PLXNA4: variants seen among roughly 807,000 people sequenced by gnomAD.
PLXNA4 encodes plexin-A4.
Under a neutral mutation model 191.8 loss-of-function variants are expected in PLXNA4, and 44 were observed. The observed-to-expected ratio is 0.23, with a 90% CI of 0.18 to 0.29. PLXNA4 has a LOEUF of 0.29. Among genes scored for constraint, PLXNA4 ranks in the 10% least tolerant of loss-of-function variants. The probability of loss-of-function intolerance (pLI) is 1.00; values close to 1 mark genes in which losing one functional copy is unlikely to be tolerated. For synonymous variants in PLXNA4, 1,082 were observed against 1,009.5 expected, an observed-to-expected ratio of 1.07 and a Z score of -1.36; for missense variants, 1,800 against 2,488.8, an observed-to-expected ratio of 0.72 and a Z score of 5.89.
At chr7:132,474,214 TCACACACACACACACACA>T (rs56832356) in intron 3 of PLXNA4, among the ~76,000 whole-genome samples, 5 of 140,192 alleles carry the variant, frequency 3.6e-5, no homozygotes, top group South Asian at 2.4e-4. Context: ...TCTCTCTGTC[TCACACACACACACACACA>T]CACACACACA....
rs58311131 is a variant in PLXNA4 at position 132,365,360 on chromosome 7, T to TGCGCGC, written c.1372-67139_1372-67138insGCGCGC. 5.0e-3 allele frequency among the ~76,000 whole-genome samples: 639 copies of TGCGCGC among 128,748 alleles called. 2 individuals carry two copies. Among genetic ancestry groups the TGCGCGC allele is most frequent in the African/African-American group, 9.3e-3 (313 of 33,802 alleles). 84.5% of individuals were successfully genotyped at this position (128,748 alleles called of 152,430 possible). ...GTGTGTGTGTGTGTGTGTGTGTGTG[T>TGCGCGC]GCGTGCGCGCGCATGCATGGGGCAA... On this transcript the variant is annotated intron_variant, in intron 3 of 31. Transcript: ENST00000321063.
At chr7:132,176,703 T>C (rs996608320) in intron 20 of PLXNA4, among the ~76,000 whole-genome samples, 3 of 150,948 alleles carry the variant, frequency 2.0e-5, no homozygotes, top group Admixed American at 6.6e-5. Flanking sequence ...AGTGCATGGA[T>C]GTGAATGAAT....
chr7:132,289,579 C>T (rs898241031), intron 4 of PLXNA4, among the ~76,000 whole-genome samples: 4 of 151,522 alleles, frequency 2.6e-5, no homozygotes, highest in Non-Finnish European at 5.9e-5. Flanking sequence ...GTTGCCCAGG[C>T]TGGAGTACAG....
chr7:132,292,015 G>A (rs777662855), intron 4 of PLXNA4, among the ~76,000 whole-genome samples: 33 of 152,066 alleles, frequency 2.2e-4, no homozygotes, highest in Non-Finnish European at 4.3e-4. Flanking sequence ...GGCTGGTCTC[G>A]AACTCCTGAC....
At chr7:132,480,638 C>T (rs926523080) in intron 3 of PLXNA4, among the ~76,000 whole-genome samples, 6 of 152,094 alleles carry the variant, frequency 3.9e-5, no homozygotes, top group African/African-American at 4.8e-5. Flanking sequence ...GGGACAATTC[C>T]GGTGAGAAAC....
intron 1 of PLXNA4, among the ~76,000 whole-genome samples, chr7:132,546,714 A>G (rs1258511089): frequency 6.6e-6 from 1 of 152,186 alleles, no homozygotes; most frequent in Non-Finnish European, 1.5e-5. Flanking sequence ...TACAAAACTG[A>G]TTGATTATCA....
chr7:132,366,790 C>T (rs1804205686), intron 3 of PLXNA4, among the ~76,000 whole-genome samples: 1 of 152,140 alleles, frequency 6.6e-6, no homozygotes, highest in South Asian at 2.1e-4. Flanking sequence ...GAGACAGTGC[C>T]TTGCTCTGTT....
chr7:132,465,229 G>T (rs560083094), intron 3 of PLXNA4, among the ~76,000 whole-genome samples: 33 of 152,270 alleles, frequency 2.2e-4, no homozygotes, highest in Middle Eastern at 6.8e-3. Context: ...TAGTTGTGCT[G>T]CATTGGGTCC....
chr7:132,321,418 A>G (rs891426938), intron 3 of PLXNA4, among the ~76,000 whole-genome samples: 1 of 151,034 alleles, frequency 6.6e-6, no homozygotes, highest in African/African-American at 2.4e-5. Flanking sequence ...ACCAGTGACA[A>G]CCTCTTGGAT....
chr7:132,635,518 G>C (rs1330226767), intron 2 of PLXNA4, among the ~76,000 whole-genome samples: 1 of 152,040 alleles, frequency 6.6e-6, no homozygotes, highest in Non-Finnish European at 1.5e-5. Flanking sequence ...TAGAACACAC[G>C]ATGTTCCCAG....
chr7:132,172,538 T>TAG (rs1796319886), intron 21 of PLXNA4, among the ~76,000 whole-genome samples: 1 of 151,664 alleles, frequency 6.6e-6, no homozygotes, highest in Non-Finnish European at 1.5e-5. Flanking sequence ...TTTCCATACT[T>TAG]AGAACACCAA....
At chr7:132,276,656 T>A (rs774356438) in intron 4 of PLXNA4, among the ~76,000 whole-genome samples, 3 of 152,194 alleles carry the variant, frequency 2.0e-5, no homozygotes, top group Non-Finnish European at 2.9e-5. Flanking sequence ...GTTAGCCCTG[T>A]TATTATTATT....
At chr7:132,541,578 C>G (rs921081652) in intron 1 of PLXNA4, among the ~76,000 whole-genome samples, 1 of 152,212 alleles carries the variant, frequency 6.6e-6, no homozygotes, top group Non-Finnish European at 1.5e-5. Context: ...CTTTTGACAT[C>G]CACATAGGTG....
chr7:132,306,891 G>A (rs12670935), intron 3 of PLXNA4, among the ~76,000 whole-genome samples: 34,219 of 151,984 alleles, frequency 0.23, 4,082 homozygotes, highest in Admixed American at 0.32. Flanking sequence ...CGTGTCTGGG[G>A]CAAAGAAGAG....
intron 3 of PLXNA4, among the ~76,000 whole-genome samples, chr7:132,471,426 T>C (rs1180915555): frequency 6.6e-6 from 1 of 152,204 alleles, no homozygotes; most frequent in East Asian, 1.9e-4. Context: ...ACACTGCCCG[T>C]TCCTGGTGAG....
At chr7:132,314,159 A>G (rs1160832040) in intron 3 of PLXNA4, among the ~76,000 whole-genome samples, 4 of 152,204 alleles carry the variant, frequency 2.6e-5, no homozygotes, top group Admixed American at 1.3e-4. Context: ...CAATTTTAGT[A>G]TCTGAGGAAC....
chr7:132,548,867 C>T (rs1800427097), intron 1 of PLXNA4, among the ~76,000 whole-genome samples: 1 of 152,142 alleles, frequency 6.6e-6, no homozygotes, highest in African/African-American at 2.4e-5. Flanking sequence ...CTCACCAAAA[C>T]CAAGACGGTG....
At chr7:132,481,516 C>CA (rs983623401) in intron 3 of PLXNA4, among the ~76,000 whole-genome samples, 46 of 150,452 alleles carry the variant, frequency 3.1e-4, no homozygotes, top group Admixed American at 1.1e-3. Flanking sequence ...ACCCCACCCC[C>CA]AAAAAAAAAC....
chr7:132,372,504 G>T (rs921932446), intron 3 of PLXNA4, among the ~76,000 whole-genome samples: 1 of 152,120 alleles, frequency 6.6e-6, no homozygotes, highest in Non-Finnish European at 1.5e-5. Flanking sequence ...TCCTCCCAGT[G>T]GCATCAGCTC....
Sources: allele counts gnomAD v4.1 joint callset (sites outside exome capture counted in the v4.1 genomes callset), GRCh38; gene constraint gnomAD v4.1.1; transcripts MANE v1.5; gene names NCBI Gene and HGNC (gene_info 2026-07-23, HGNC 2026-07-21).